The following LAMA2 variants were observed in gnomAD, a reference collection of about 807,000 sequenced individuals.
LAMA2 encodes the protein laminin subunit alpha-2.
In LAMA2, 269 loss-of-function variants were observed where a neutral mutation model predicts 364.8. The ratio of observed to expected loss-of-function variants is 0.74; its 90% confidence interval spans 0.67 to 0.82. LAMA2 has a LOEUF of 0.82. LAMA2 is among the 40% of genes least tolerant of loss of function. The probability of loss-of-function intolerance (pLI) is 0.00; values close to 1 mark genes in which losing one functional copy is unlikely to be tolerated. For synonymous variants in LAMA2, 1,379 were observed against 1,370.6 expected (o/e 1.01, Z -0.14); for missense variants, 3,807 against 3,873.2 (o/e 0.98, Z 0.45).
intron 35 of LAMA2, among the ~76,000 whole-genome samples, chr6:129,388,496 A>G (rs1266446115): frequency 1.3e-5 from 2 of 152,112 alleles, no homozygotes; most frequent in South Asian, 2.1e-4. Context: ...CCCTTTCTCT[A>G]TCTGTTGTCA....
At chr6:128,983,097 G>A (rs1782998653) in intron 1 of LAMA2, among the ~76,000 whole-genome samples, 1 of 151,926 alleles carries the variant, frequency 6.6e-6, no homozygotes, top group African/African-American at 2.4e-5. Context: ...CTTTATAGCA[G>A]CATGATTTAT....
At chr6:128,971,816 C>T (rs1364745702) in intron 1 of LAMA2, among the ~76,000 whole-genome samples, 5 of 152,136 alleles carry the variant, frequency 3.3e-5, no homozygotes, top group Non-Finnish European at 2.9e-5. Flanking sequence ...TTTTACCCCT[C>T]ATATCTGTCA....
chr6:129,300,639 G>C (rs1303645630), intron 21 of LAMA2, 97 bp from the exon 22 acceptor site: 1 of 1,302,576 alleles, frequency 7.7e-7, no homozygotes, highest in Non-Finnish European at 1.1e-6. Flanking sequence ...GAACTGAAAA[G>C]AAAATAAGAC....
intron 35 of LAMA2, among the ~76,000 whole-genome samples, chr6:129,387,758 G>A (rs1048280879): frequency 6.6e-6 from 1 of 152,174 alleles, no homozygotes; most frequent in Non-Finnish European, 1.5e-5. Flanking sequence ...CAGGGATATG[G>A]ATGAAGCTGA....
At chr6:129,112,732 G>GAGA (rs1562248745) in intron 4 of LAMA2, among the ~76,000 whole-genome samples, 1 of 147,382 alleles carries the variant, frequency 6.8e-6, no homozygotes, top group South Asian at 2.1e-4. Context: ...GAGAGAGAGA[G>GAGA]AAAAAAAAAA....
chr6:129,246,892 A>C (rs900718928), intron 12 of LAMA2, among the ~76,000 whole-genome samples: 50 of 152,178 alleles, frequency 3.3e-4, no homozygotes, highest in Non-Finnish European at 6.2e-4. Flanking sequence ...GAATATTCTC[A>C]AAGCTTTTTC....
chr6:129,435,116 G>T (rs187415415), intron 41 of LAMA2, among the ~76,000 whole-genome samples: 1 of 152,196 alleles, frequency 6.6e-6, no homozygotes, highest in African/African-American at 2.4e-5. Flanking sequence ...CCAGCATTTT[G>T]CTATCAGAAT....
intron 19 of LAMA2, among the ~76,000 whole-genome samples, chr6:129,289,116 A>T (rs902371): frequency 1.3e-5 from 2 of 152,188 alleles, no homozygotes; most frequent in Non-Finnish European, 2.9e-5. Context: ...ATGATAATTC[A>T]TTGAATCAAA....
At chr6:129,512,138 A>G (rs58336000) in intron 62 of LAMA2, among the ~76,000 whole-genome samples, 1,926 of 152,258 alleles carry the variant, frequency 0.013, 46 homozygotes, top group African/African-American at 0.044. Flanking sequence ...TAGCACATAC[A>G]TTCTAAAAGG....
intron 10 of LAMA2, among the ~76,000 whole-genome samples, chr6:129,189,587 T>G (rs1781415594): frequency 6.6e-6 from 1 of 152,124 alleles, no homozygotes; most frequent in Non-Finnish European, 1.5e-5. Context: ...CTGATTGTAC[T>G]GATGTGTTAC....
intron 8 of LAMA2, chr6:129,157,873 G>A: frequency 6.2e-7 from 1 of 1,614,234 alleles, no homozygotes; most frequent in South Asian, 1.1e-5. Context: ...TTTTTGTTCA[G>A]GCTTTCGTCC....
At chr6:128,901,397 C>T (rs907476525) in intron 1 of LAMA2, among the ~76,000 whole-genome samples, 1 of 152,096 alleles carries the variant, frequency 6.6e-6, no homozygotes, top group African/African-American at 2.4e-5. Context: ...TGTTTCCATC[C>T]TTGCTTATTT....
At chr6:129,186,098 C>G (rs1409953731) in intron 10 of LAMA2, among the ~76,000 whole-genome samples, 1 of 151,500 alleles carries the variant, frequency 6.6e-6, no homozygotes, top group Non-Finnish European at 1.5e-5. Context: ...AGTAGGAATG[C>G]TGAGAGGTTT....
intron 40 of LAMA2, 121 bp downstream of exon 40, chr6:129,404,080 C>T: frequency 1.8e-6 from 2 of 1,097,542 alleles, no homozygotes; most frequent in Non-Finnish European, 1.3e-6. Flanking sequence ...TTTTTGAAGA[C>T]CTCTTTTAAA....
chr6:129,335,075 C>T (rs942164652), intron 29 of LAMA2, among the ~76,000 whole-genome samples: 9 of 152,086 alleles, frequency 5.9e-5, no homozygotes, highest in Non-Finnish European at 1.2e-4. Context: ...GGAAAGAAAA[C>T]TGTAGAAAGC....
intron 12 of LAMA2, among the ~76,000 whole-genome samples, chr6:129,201,522 C>G (rs1363966953): frequency 2.0e-5 from 3 of 152,132 alleles, no homozygotes; most frequent in Non-Finnish European, 2.9e-5. Context: ...TCCTAACACC[C>G]AAAGTGGAAT....
chr6:129,219,705 T>G (rs1783678079), intron 12 of LAMA2, among the ~76,000 whole-genome samples: 1 of 140,658 alleles, frequency 7.1e-6, no homozygotes. Context: ...GAAATCATCA[T>G]TCTCAGTAAA....
chr6:128,906,890 G>A (rs755042874), intron 1 of LAMA2, among the ~76,000 whole-genome samples: 5,750 of 151,274 alleles, frequency 0.038, 141 homozygotes, highest in South Asian at 0.091. Context: ...TATTAAATAG[G>A]GAATCCTTTC....
chr6:129,224,858 A>G (rs1784136588), intron 12 of LAMA2, among the ~76,000 whole-genome samples: 1 of 152,214 alleles, frequency 6.6e-6, no homozygotes, highest in South Asian at 2.1e-4. Context: ...CAAATGAGTT[A>G]GAGAGGATTC....
Sources: gnomAD v4.1 joint callset for allele counts (sites outside exome capture counted in the v4.1 genomes callset) on GRCh38, gnomAD v4.1.1 for gene constraint, MANE v1.5 for transcripts, NCBI Gene and HGNC (gene_info 2026-07-23, HGNC 2026-07-21) for gene names.